SGCZ: variants seen among roughly 807,000 people sequenced by gnomAD.
The protein encoded by SGCZ is sarcoglycan zeta.
In SGCZ, 40 loss-of-function variants were observed where a neutral mutation model predicts 41.3. The observed-to-expected ratio is 0.97, with a 90% CI of 0.75 to 1.26. The LOEUF (loss-of-function observed/expected upper bound fraction) is 1.26, where lower values mean the gene tolerates loss of function less well. SGCZ is among the 50% of genes most tolerant of loss of function. SGCZ has a pLI of 0.00. For missense variants in SGCZ, 552 were observed against 369.8 expected (o/e 1.49, Z -4.04); for synonymous variants, 206 against 137.5 (o/e 1.50, Z -3.49).
intron 1 of SGCZ, among the ~76,000 whole-genome samples, chr8:15,234,881 T>G (rs1328109295): frequency 6.6e-6 from 1 of 151,952 alleles, no homozygotes; most frequent in Non-Finnish European, 1.5e-5. Context: ...ACAATGACAC[T>G]GATCATCTAA....
chr8:14,598,612 C>G (rs936074432), intron 1 of SGCZ, among the ~76,000 whole-genome samples: 1 of 151,774 alleles, frequency 6.6e-6, no homozygotes, highest in Non-Finnish European at 1.5e-5. Context: ...ACTGCAGACT[C>G]GACCCCCCCG....
intron 3 of SGCZ, among the ~76,000 whole-genome samples, chr8:14,292,765 A>G (rs989571574): frequency 2.6e-5 from 4 of 152,010 alleles, no homozygotes; most frequent in Non-Finnish European, 4.4e-5. Context: ...AAAATGGAAA[A>G]ATAATAACAC....
chr8:14,236,660 C>CTA (rs1456044133), intron 4 of SGCZ, among the ~76,000 whole-genome samples: 10 of 151,418 alleles, frequency 6.6e-5, no homozygotes, highest in African/African-American at 1.4e-4. Context: ...TTCTCTCTCT[C>CTA]TCTATATATA....
intron 1 of SGCZ, among the ~76,000 whole-genome samples, chr8:14,859,717 C>A (rs182652615): frequency 1.4e-3 from 209 of 152,134 alleles, no homozygotes; most frequent in Non-Finnish European, 2.1e-3. Flanking sequence ...ATATGTATTG[C>A]AATGATTTTA....
chr8:15,080,571 A>G (rs141737870), intron 1 of SGCZ, among the ~76,000 whole-genome samples: 63 of 152,134 alleles, frequency 4.1e-4, no homozygotes, highest in African/African-American at 1.5e-3. Context: ...GTGAGCCCTA[A>G]TCTAATATGC....
intron 1 of SGCZ, among the ~76,000 whole-genome samples, chr8:14,621,595 A>G (rs1806287762): frequency 6.6e-6 from 1 of 152,142 alleles, no homozygotes; most frequent in Admixed American, 6.6e-5. Context: ...CCTCAAGAAA[A>G]TTACAATCAT....
At chr8:15,222,487 T>C (rs2117187635) in intron 1 of SGCZ, among the ~76,000 whole-genome samples, 1 of 152,312 alleles carries the variant, frequency 6.6e-6, no homozygotes, top group Admixed American at 6.5e-5. Flanking sequence ...CTAGCAAATC[T>C]GATAAATCAA....
At chr8:14,854,542 T>C (rs559967297) in intron 1 of SGCZ, among the ~76,000 whole-genome samples, 3 of 152,300 alleles carry the variant, frequency 2.0e-5, no homozygotes, top group South Asian at 2.1e-4. Flanking sequence ...TTGTGTAATA[T>C]TGTTTTCATA....
chr8:14,569,164 TA>T (rs1263398337), intron 1 of SGCZ, among the ~76,000 whole-genome samples: 1 of 152,190 alleles, frequency 6.6e-6, no homozygotes, highest in Non-Finnish European at 1.5e-5. Context: ...TCACATTAAA[TA>T]TAATATATAA....
At chr8:14,092,153 C>T (rs991256757) in intron 7 of SGCZ, among the ~76,000 whole-genome samples, 1 of 151,938 alleles carries the variant, frequency 6.6e-6, no homozygotes, top group Non-Finnish European at 1.5e-5. Context: ...TTGCTGAGGC[C>T]TCTGTTCTGT....
intron 3 of SGCZ, among the ~76,000 whole-genome samples, chr8:14,267,103 G>A (rs1162874037): frequency 2.6e-5 from 4 of 151,956 alleles, no homozygotes; most frequent in Non-Finnish European, 5.9e-5. Flanking sequence ...TAATGAGTGT[G>A]GTAGATAATA....
chr8:14,219,608 G>A (rs1436226026), intron 4 of SGCZ, among the ~76,000 whole-genome samples: 1 of 152,162 alleles, frequency 6.6e-6, no homozygotes, highest in African/African-American at 2.4e-5. Context: ...TTAGCTGGGC[G>A]TGGTGGCGCG....
At chr8:15,033,320 G>A (rs190020341) in intron 1 of SGCZ, among the ~76,000 whole-genome samples, 19 of 151,934 alleles carry the variant, frequency 1.3e-4, no homozygotes, top group Non-Finnish European at 1.8e-4. Context: ...CACAGCCTCA[G>A]ACTCCAGGAA....
chr8:14,215,745 C>G (rs1266267086), intron 4 of SGCZ, among the ~76,000 whole-genome samples: 2 of 151,950 alleles, frequency 1.3e-5, no homozygotes, highest in Non-Finnish European at 2.9e-5. Flanking sequence ...AAAAATAAAA[C>G]AACTCAAAAG....
At chr8:14,872,140 G>T (rs1804180332) in intron 1 of SGCZ, among the ~76,000 whole-genome samples, 1 of 151,850 alleles carries the variant, frequency 6.6e-6, no homozygotes, top group Non-Finnish European at 1.5e-5. Context: ...GAAACAGGGA[G>T]GGGAACATCA....
At chr8:14,612,974 C>T (rs1473338675) in intron 1 of SGCZ, among the ~76,000 whole-genome samples, 1 of 152,142 alleles carries the variant, frequency 6.6e-6, no homozygotes, top group Non-Finnish European at 1.5e-5. Flanking sequence ...GCGTGAGCCA[C>T]CATGCCCAGG....
intron 1 of SGCZ, among the ~76,000 whole-genome samples, chr8:14,976,188 A>AT: frequency 6.6e-6 from 1 of 151,638 alleles, no homozygotes; most frequent in Non-Finnish European, 1.5e-5. Context: ...CACCCGGCTA[A>AT]TTTTTTGTGT....
intron 1 of SGCZ, among the ~76,000 whole-genome samples, chr8:14,684,705 T>TG (rs1808555486): frequency 2.0e-5 from 3 of 151,726 alleles, no homozygotes; most frequent in Non-Finnish European, 4.4e-5. Context: ...TTTTTGTTTT[T>TG]TTTTGGTTTT....
intron 1 of SGCZ, among the ~76,000 whole-genome samples, chr8:14,980,333 A>G (rs1801620315): frequency 1.3e-5 from 2 of 152,244 alleles, no homozygotes; most frequent in South Asian, 4.1e-4. Flanking sequence ...CTCATTAATC[A>G]GAGACCTGGG....
Sources: allele counts gnomAD v4.1 joint callset (sites outside exome capture counted in the v4.1 genomes callset), GRCh38; gene constraint gnomAD v4.1.1; transcripts MANE v1.5; gene names NCBI Gene and HGNC (gene_info 2026-07-23, HGNC 2026-07-21).